SHANK2: variants seen among roughly 807,000 people sequenced by gnomAD.
SHANK2 encodes SH3 and multiple ankyrin repeat domains 2, also known as SH3 and multiple ankyrin repeat domains protein 2.
Under a neutral mutation model 133.7 loss-of-function variants are expected in SHANK2, and 43 were observed. That is an observed-to-expected ratio of 0.32 (90% CI 0.25 to 0.41). SHANK2 has a LOEUF of 0.41. Among genes scored for constraint, SHANK2 ranks in the 10% least tolerant of loss-of-function variants. SHANK2 has a pLI of 1.00. For synonymous variants in SHANK2, 1,017 were observed against 952.8 expected (o/e 1.07, Z -1.24); for missense variants, 1,994 against 2,235.8 (o/e 0.89, Z 2.18).
intron 14 of SHANK2, among the ~76,000 whole-genome samples, chr11:70,775,654 C>T (rs1003068769): frequency 9.2e-5 from 14 of 152,260 alleles, no homozygotes; most frequent in Middle Eastern, 6.8e-3. Context: ...TCCCTGGACC[C>T]GGTGCTCCTA....
At chr11:70,547,716 T>C (rs1197916379) in intron 17 of SHANK2, among the ~76,000 whole-genome samples, 2 of 152,222 alleles carry the variant, frequency 1.3e-5, no homozygotes, top group East Asian at 3.9e-4. Context: ...GCAACTTCTC[T>C]GGGACCCCCG....
chr11:70,484,530 T>G (rs2058775553), intron 25 of SHANK2, among the ~76,000 whole-genome samples: 1 of 152,220 alleles, frequency 6.6e-6, no homozygotes, highest in African/African-American at 2.4e-5. Context: ...AAACCTCATT[T>G]TTTTATAAAT....
chr11:71,221,363 T>C (rs561460857), intron 2 of SHANK2, among the ~76,000 whole-genome samples: 48 of 152,266 alleles, frequency 3.2e-4, no homozygotes, highest in African/African-American at 1.2e-3. Flanking sequence ...CACAAGGCAG[T>C]GGGTGCCCAG....
intron 3 of SHANK2, among the ~76,000 whole-genome samples, chr11:71,122,579 A>C (rs1555101699): frequency 6.6e-6 from 1 of 152,142 alleles, no homozygotes; most frequent in African/African-American, 2.4e-5. Flanking sequence ...CAAACCAACA[A>C]GGCACATGTA....
At chr11:70,550,564 C>T (rs575269263) in intron 17 of SHANK2, among the ~76,000 whole-genome samples, 1 of 152,220 alleles carries the variant, frequency 6.6e-6, no homozygotes, top group African/African-American at 2.4e-5. Context: ...GCTGGCGAGG[C>T]CTCCGTTCAG....
At chr11:70,518,638 G>GCCC (rs1486917183) in intron 17 of SHANK2, among the ~76,000 whole-genome samples, 1 of 152,206 alleles carries the variant, frequency 6.6e-6, no homozygotes, top group Non-Finnish European at 1.5e-5. Flanking sequence ...TATTAGTGGT[G>GCCC]GTCAGAGGCG....
At chr11:70,889,628 G>T (rs1949808200) in intron 11 of SHANK2, among the ~76,000 whole-genome samples, 2 of 152,210 alleles carry the variant, frequency 1.3e-5, no homozygotes, top group African/African-American at 4.8e-5. Flanking sequence ...CGACCACTGA[G>T]TCAGACTCTG....
intron 14 of SHANK2, among the ~76,000 whole-genome samples, chr11:70,769,828 G>GTGT (rs1947209076): frequency 6.6e-6 from 1 of 151,924 alleles, no homozygotes; most frequent in East Asian, 1.9e-4. Context: ...CACGTGTGTA[G>GTGT]GTGTGTGTGT....
intron 11 of SHANK2, among the ~76,000 whole-genome samples, chr11:70,860,918 C>T (rs1590767638): frequency 6.6e-6 from 1 of 152,196 alleles, no homozygotes; most frequent in South Asian, 2.1e-4. Flanking sequence ...ACCACAAAGC[C>T]CCTTCATTCC....
Position 70,809,161 on chromosome 11 carries a change from C to T in SHANK2, c.1494-1990G>A, listed in dbSNP as rs947331919. Among the ~76,000 whole-genome samples the T allele has an allele frequency of 9.2e-5, 14 of 152,302 alleles. No homozygotes were observed. The East Asian group carries it at 1.2e-3, about 13-fold the overall frequency. On this transcript the variant is annotated intron_variant, in intron 12 of 25. Transcript: ENST00000601538. ...GGCCAGAAATTCAGGACGGCCCTCC[C>T]GGGCACATGCTCAGAAAGACAGGGA...
chr11:70,570,140 C>CA (rs1464439430), intron 17 of SHANK2, among the ~76,000 whole-genome samples: 1 of 152,214 alleles, frequency 6.6e-6, no homozygotes, highest in African/African-American at 2.4e-5. Context: ...GACCGAATGA[C>CA]AAGAGGGAAC....
At chr11:70,779,868 C>G (rs782040101) in intron 14 of SHANK2, among the ~76,000 whole-genome samples, 2 of 152,212 alleles carry the variant, frequency 1.3e-5, no homozygotes, top group Admixed American at 6.5e-5. Flanking sequence ...CAGACCCGGC[C>G]AGTCACCCTT....
intron 10 of SHANK2, among the ~76,000 whole-genome samples, chr11:70,919,933 C>A (rs1273192525): frequency 2.0e-5 from 3 of 152,160 alleles, no homozygotes; most frequent in Non-Finnish European, 4.4e-5. Context: ...AGCAACCAAC[C>A]CAAGCTTGGT....
intron 3 of SHANK2, among the ~76,000 whole-genome samples, chr11:71,138,979 G>T (rs12272719): frequency 0.098 from 14,840 of 152,106 alleles, 1,825 homozygotes; most frequent in African/African-American, 0.29. Flanking sequence ...TTGAGTGACT[G>T]TACAGGCGGG....
At chr11:71,133,013 C>T (rs2135339141) in intron 3 of SHANK2, among the ~76,000 whole-genome samples, 1 of 152,310 alleles carries the variant, frequency 6.6e-6, no homozygotes, top group South Asian at 2.1e-4. Flanking sequence ...TCCATGCCTT[C>T]TACCTCCCCA....
intron 2 of SHANK2, among the ~76,000 whole-genome samples, chr11:71,191,623 G>T (rs1953795557): frequency 6.6e-6 from 1 of 152,104 alleles, no homozygotes; most frequent in African/African-American, 2.4e-5. Context: ...GCAATGGCGT[G>T]ATCTCAGCTC....
At chr11:71,173,855 T>G (rs534752084) in intron 2 of SHANK2, among the ~76,000 whole-genome samples, 1 of 152,334 alleles carries the variant, frequency 6.6e-6, no homozygotes, top group South Asian at 2.1e-4. Context: ...ACTGGAGTGA[T>G]GTGGCCACAA....
intron 17 of SHANK2, among the ~76,000 whole-genome samples, chr11:70,644,852 G>A (rs75134643): frequency 0.013 from 1,956 of 152,300 alleles, 48 homozygotes; most frequent in African/African-American, 0.045. Context: ...AGACAAACAC[G>A]TGGAGAAGAA....
intron 10 of SHANK2, among the ~76,000 whole-genome samples, chr11:70,924,606 G>A (rs987655488): frequency 2.7e-4 from 41 of 152,218 alleles, no homozygotes; most frequent in Non-Finnish European, 1.9e-4. Context: ...ACAGGCACCC[G>A]TGACCATGCC....
Sources: gnomAD v4.1 joint callset for allele counts (sites outside exome capture counted in the v4.1 genomes callset) on GRCh38, gnomAD v4.1.1 for gene constraint, MANE v1.5 for transcripts, NCBI Gene and HGNC (gene_info 2026-07-23, HGNC 2026-07-21) for gene names.